NAALADL2: variants seen among roughly 807,000 people sequenced by gnomAD.
NAALADL2 encodes inactive N-acetylated-alpha-linked acidic dipeptidase-like protein 2.
In NAALADL2, 76 loss-of-function variants were observed where a neutral mutation model predicts 87.2. The observed-to-expected ratio is 0.87, with a 90% CI of 0.72 to 1.05. NAALADL2 has a LOEUF of 1.05. Ranked by LOEUF, NAALADL2 falls within the 50% of genes least tolerant of loss-of-function variation. NAALADL2 has a pLI of 0.00. For synonymous variants in NAALADL2, 354 were observed against 331.0 expected (o/e 1.07, Z -0.75); for missense variants, 1,089 against 945.8 (o/e 1.15, Z -1.99).
intron 2 of NAALADL2, among the ~76,000 whole-genome samples, chr3:175,165,392 AACAATAAGTAAATC>A (rs994723621): frequency 7.0e-4 from 106 of 152,288 alleles, no homozygotes; most frequent in African/African-American, 2.3e-3. Context: ...TCCATCTATA[AACAATAAGTAAATC>A]AATAGAGGAC....
intron 5 of NAALADL2, among the ~76,000 whole-genome samples, chr3:175,345,666 T>C (rs752311633): frequency 6.6e-6 from 1 of 152,004 alleles, no homozygotes; most frequent in Non-Finnish European, 1.5e-5. Flanking sequence ...GGAGGAGAAA[T>C]GGTAGCATGG....
At chr3:175,495,504 T>A (rs1252949141) in intron 9 of NAALADL2, among the ~76,000 whole-genome samples, 1 of 152,068 alleles carries the variant, frequency 6.6e-6, no homozygotes, top group Non-Finnish European at 1.5e-5. Context: ...TAATTGCGGT[T>A]TTTGCAATTA....
chr3:175,747,818 A>G (rs572353400), intron 12 of NAALADL2, among the ~76,000 whole-genome samples: 2 of 152,286 alleles, frequency 1.3e-5, no homozygotes, highest in Admixed American at 1.3e-4. Flanking sequence ...TAGCCAGATC[A>G]TGCAGTCACA....
At chr3:174,487,717 G>A (rs1219311822) in intron 1 of NAALADL2, among the ~76,000 whole-genome samples, 2 of 150,416 alleles carry the variant, frequency 1.3e-5, no homozygotes, top group Non-Finnish European at 3.0e-5. Context: ...TTTAACAATA[G>A]TAAGTAGTAC....
Position 175,761,285 on chromosome 3 carries a change from T to C in NAALADL2, c.2189+5867T>C, listed in dbSNP as rs2150149085. ...CTCCATAGTTTTGCCTTTTCCAGAA[T>C]GTCACCTATTTGGAATAGTACAGTA... On this transcript the variant is annotated intron_variant, in intron 13 of 13. Transcript: ENST00000454872. Among the ~76,000 whole-genome samples the C allele has an allele frequency of 1.3e-5, 2 of 152,356 alleles. 1 individual carries two copies. Among genetic ancestry groups the C allele is most frequent in the Admixed American group, 1.3e-4 (2 of 15,308 alleles).
chr3:175,538,296 A>G (rs953110726), intron 9 of NAALADL2, among the ~76,000 whole-genome samples: 3 of 152,144 alleles, frequency 2.0e-5, no homozygotes, highest in African/African-American at 7.2e-5. Context: ...ATATAATATT[A>G]CACCAATTAT....
intron 5 of NAALADL2, among the ~76,000 whole-genome samples, chr3:175,373,620 G>C (rs1310292456): frequency 1.3e-5 from 2 of 152,146 alleles, no homozygotes; most frequent in Admixed American, 1.3e-4. Flanking sequence ...AAGGTAATAT[G>C]AATGTTCACG....
chr3:175,406,923 G>C (rs563295096), intron 5 of NAALADL2, among the ~76,000 whole-genome samples: 1 of 152,178 alleles, frequency 6.6e-6, no homozygotes, highest in South Asian at 2.1e-4. Flanking sequence ...GCTCACGCCT[G>C]TAATCCCAGC....
chr3:174,774,193 A>C (rs1281390978), intron 3 of NAALADL2, among the ~76,000 whole-genome samples: 1 of 152,138 alleles, frequency 6.6e-6, no homozygotes, highest in Admixed American at 6.6e-5. Flanking sequence ...ACCAATAGAT[A>C]CTACCTTAGC....
intron 2 of NAALADL2, among the ~76,000 whole-genome samples, chr3:175,169,486 A>G (rs1449690337): frequency 1.4e-5 from 2 of 144,570 alleles, no homozygotes; most frequent in Non-Finnish European, 3.1e-5. Flanking sequence ...CTGTTGACAT[A>G]TACAAATGAT....
chr3:175,681,811 G>A (rs16826127), intron 11 of NAALADL2, among the ~76,000 whole-genome samples: 2,927 of 152,244 alleles, frequency 0.019, 102 homozygotes, highest in African/African-American at 0.067. Flanking sequence ...CTGACTCAAT[G>A]CTTGAAGACA....
intron 13 of NAALADL2, among the ~76,000 whole-genome samples, chr3:175,786,643 G>C (rs1336279017): frequency 6.6e-6 from 1 of 152,056 alleles, no homozygotes; most frequent in Admixed American, 6.5e-5. Flanking sequence ...CCTTTGGTTT[G>C]AATGTCCTCT....
intron 2 of NAALADL2, among the ~76,000 whole-genome samples, chr3:174,558,260 T>C (rs1193896316): frequency 6.6e-6 from 1 of 152,186 alleles, no homozygotes; most frequent in African/African-American, 2.4e-5. Flanking sequence ...TAATTTCTAC[T>C]GCGCTTGTTT....
intron 1 of NAALADL2, among the ~76,000 whole-genome samples, chr3:175,082,362 T>C (rs1443471655): frequency 6.6e-6 from 1 of 152,210 alleles, no homozygotes; most frequent in Non-Finnish European, 1.5e-5. Flanking sequence ...ATTTCTATCT[T>C]ATTTTGTTCA....
At chr3:175,723,541 T>G (rs1742521132) in intron 11 of NAALADL2, among the ~76,000 whole-genome samples, 1 of 152,180 alleles carries the variant, frequency 6.6e-6, no homozygotes, top group Admixed American at 6.6e-5. Context: ...CTATCTTCAC[T>G]TGTCCAGATC....
At chr3:174,562,681 T>C (rs188661966) in intron 2 of NAALADL2, among the ~76,000 whole-genome samples, 1 of 152,156 alleles carries the variant, frequency 6.6e-6, no homozygotes, top group Non-Finnish European at 1.5e-5. Context: ...GTAAATATTG[T>C]CTACTGGAAC....
chr3:174,765,137 C>CG (rs775083865), intron 3 of NAALADL2, among the ~76,000 whole-genome samples: 5,556 of 128,068 alleles, frequency 0.043, 131 homozygotes, highest in Non-Finnish European at 0.07. Flanking sequence ...CACACACACA[C>CG]ACACACGAGA....
At chr3:175,723,716 A>T (rs762527094) in intron 11 of NAALADL2, among the ~76,000 whole-genome samples, 15 of 152,128 alleles carry the variant, frequency 9.9e-5, no homozygotes, top group Non-Finnish European at 1.8e-4. Context: ...GAAGAAAGGG[A>T]TCCCTTGCAA....
chr3:175,368,408 T>C (rs142569198), intron 5 of NAALADL2, among the ~76,000 whole-genome samples: 15,936 of 152,194 alleles, frequency 0.1, 986 homozygotes, highest in South Asian at 0.14. Context: ...TTTCTATTGA[T>C]TGGAATAGTT....
Sources: gnomAD v4.1 joint callset for allele counts (sites outside exome capture counted in the v4.1 genomes callset) on GRCh38, gnomAD v4.1.1 for gene constraint, MANE v1.5 for transcripts, NCBI Gene and HGNC (gene_info 2026-07-23, HGNC 2026-07-21) for gene names.